AFDN: variants seen among roughly 807,000 people sequenced by gnomAD.
AFDN encodes the protein afadin, adherens junction formation factor, also known as afadin.
AFDN carries 68 observed loss-of-function variants against 216.6 expected under a neutral mutation model. The ratio of observed to expected loss-of-function variants is 0.31; its 90% CI spans 0.26 to 0.38. The LOEUF is 0.38. AFDN is among the 10% of genes least tolerant of loss of function. The pLI, the probability that AFDN is intolerant of heterozygous loss-of-function variation, is 1.00. For missense variants in AFDN, 2,136 were observed against 2,342.0 expected, an observed-to-expected ratio of 0.91 and a Z score of 1.82; for synonymous variants, 868 against 853.7, an observed-to-expected ratio of 1.02 and a Z score of -0.29.
Position 167,827,108 on chromosome 6 carries a change from C to T in AFDN, c.-25C>T. ...CCCGTCCTCCGGCCCCGGCCCCGCGCGGCTGAGGAGGCGCGGCCAGGACCA... is the reference window on the plus strand; with the variant it reads ...CCCGTCCTCCGGCCCCGGCCCCGCGTGGCTGAGGAGGCGCGGCCAGGACCA... On this transcript the variant is annotated 5_prime_UTR_variant, in exon 1 of 34. Coordinates refer to ENST00000683244, the MANE Select transcript of AFDN (RefSeq NM_001386888.1). 1.6e-6 allele frequency: 2 copies of T among 1,214,510 alleles called. No individual in the cohort carries two copies. Among genetic ancestry groups the T allele is most frequent in the Non-Finnish European group, 2.1e-6 (2 of 944,172 alleles). The allele number at this position is 1,214,510 out of a possible 1,614,324, so 75.2% of individuals were successfully genotyped here.
At position 167,948,390 on chromosome 6, in the gene AFDN, G is replaced by A. The variant is rs377359973; in HGVS notation, c.3743G>A (p.Arg1248Gln). 8.7e-6 allele frequency: 14 copies of A among 1,613,958 alleles called. No individual in the cohort carries two copies. In the African/African-American group the frequency reaches 9.4e-5, roughly 11 times the overall value. The change falls in exon 29 of 34, where the codon CGG (arginine) becomes CAG (glutamine). Residue 1248 changes from arginine (R) to glutamine (Q), a missense_variant. Around this residue, in one of 8 missense-constraint regions of AFDN, gnomAD observed 981 missense variants for 966.0 expected, o/e 1.02. Coordinates refer to ENST00000683244, the MANE Select transcript of AFDN (RefSeq NM_001386888.1). ...FTFPASKSQD[R>Q]MAPPQNQWPN... is the part of the protein sequence containing the mutation. ...TTCCCAGCTTCCAAATCCCAGGATC[G>A]GATGGCTCCTCCTCAGAACCAGTGG... is the stretch of plus-strand genomic sequence containing the variant.
intron 2 of AFDN, among the ~76,000 whole-genome samples, chr6:167,867,249 C>T (rs1784284499): frequency 6.6e-6 from 1 of 152,006 alleles, no homozygotes; most frequent in South Asian, 2.1e-4. Context: ...GCAACAAGAA[C>T]GATTTGGTAA....
chr6:167,874,045 T>G (rs764971444), intron 4 of AFDN, among the ~76,000 whole-genome samples: 6 of 152,058 alleles, frequency 3.9e-5, no homozygotes, highest in Admixed American at 1.3e-4. Flanking sequence ...GAGAAAAAAA[T>G]GTACAAAGAT....
At chr6:167,945,858 A>G (rs1192183109) in intron 26 of AFDN, among the ~76,000 whole-genome samples, 4 of 152,250 alleles carry the variant, frequency 2.6e-5, no homozygotes, top group Non-Finnish European at 5.9e-5. Context: ...CAGACACAAT[A>G]GGAGAAAACC....
At chr6:167,947,415 G>C (rs548004879) in intron 27 of AFDN, among the ~76,000 whole-genome samples, 3 of 152,078 alleles carry the variant, frequency 2.0e-5, no homozygotes, top group East Asian at 1.9e-4. Context: ...TCCTGACCTC[G>C]TGATCTGCCC....
intron 31 of AFDN, chr6:167,963,115 T>TG: frequency 9.4e-7 from 1 of 1,067,578 alleles, no homozygotes; most frequent in Non-Finnish European, 1.1e-6. Flanking sequence ...TTATTTATTT[T>TG]CATGTGTGTG....
rs981891251 is a variant in AFDN at position 167,850,551 on chromosome 6, C to G, written c.106-14000C>G. Reference sequence around the variant, plus strand: ...AGTGTTTACTTTAATGTGAAACTCACTGTAAATCCAAGTAAATGCTGATCT... The same window carrying G: ...AGTGTTTACTTTAATGTGAAACTCAGTGTAAATCCAAGTAAATGCTGATCT... On this transcript the variant is annotated intron_variant, in intron 1 of 33. Transcript: ENST00000683244. Among the ~76,000 whole-genome samples the G allele has an allele frequency of 2.0e-5, 3 of 152,162 alleles. No individual in the cohort carries two copies. The East Asian group carries it at 5.8e-4, about 29-fold the overall frequency.
chr6:167,963,771 T>G (rs142061193), intron 31 of AFDN: 4 of 1,062,220 alleles, frequency 3.8e-6, no homozygotes, highest in Non-Finnish European at 3.4e-6. Context: ...CTTTCACTTG[T>G]GTAATGGTAA....
intron 4 of AFDN, among the ~76,000 whole-genome samples, chr6:167,874,058 G>A (rs1204371163): frequency 6.6e-6 from 1 of 152,184 alleles, no homozygotes; most frequent in African/African-American, 2.4e-5. Flanking sequence ...ACAAAGATAC[G>A]TTGCTCATAC....
chr6:167,946,679 A>G (rs146091272), intron 26 of AFDN, 28 bp from the exon 27 acceptor site: 14 of 1,592,812 alleles, frequency 8.8e-6, no homozygotes, highest in Non-Finnish European at 1.2e-5. Flanking sequence ...TAAAATCTTA[A>G]GAGATACTGA....
chr6:167,944,246 C>T (rs1016012698), intron 26 of AFDN, among the ~76,000 whole-genome samples, 187 bp downstream of exon 26: 2 of 152,184 alleles, frequency 1.3e-5, no homozygotes, highest in African/African-American at 2.4e-5. Flanking sequence ...GGAGCCCACA[C>T]TGTGAGTCAC....
At chr6:167,945,155 G>T (rs1214094643) in intron 26 of AFDN, among the ~76,000 whole-genome samples, 1 of 132,776 alleles carries the variant, frequency 7.5e-6, no homozygotes, top group Non-Finnish European at 1.6e-5. Context: ...TTCCATAAGT[G>T]ATTTTCTATT....
chr6:167,880,384 A>G lies in AFDN; in HGVS notation c.764A>G (p.Asp255Gly). 2.5e-6 allele frequency: 4 copies of G among 1,612,878 alleles called. No homozygotes were observed. The highest frequency in any genetic ancestry group is 3.4e-6 in the Non-Finnish European group (4 of 1,179,472). The change falls in exon 6 of 34, where the codon GAT (aspartate) becomes GGT (glycine). Residue 255 changes from aspartate to glycine, a missense_variant. Coordinates refer to ENST00000683244, the MANE Select transcript of AFDN (RefSeq NM_001386888.1). The stretch of plus-strand genomic sequence containing the variant: ...GGTGGAACATTGAGAATTTATGCAG[A>G]TAGTTTAAAACCAAATATTCCCTAC... Reference protein sequence around the residue: ...DSGGTLRIYADSLKPNIPYKT... With the variant: ...DSGGTLRIYAGSLKPNIPYKT...
chr6:167,872,148 A>G, intron 3 of AFDN, 66 bp from the exon 4 acceptor site: 1 of 1,489,856 alleles, frequency 6.7e-7, no homozygotes, highest in South Asian at 1.3e-5. Context: ...GAAGTTACCT[A>G]AGCCGTAGGC....
chr6:167,887,461 T>G (rs1257683602), intron 6 of AFDN, among the ~76,000 whole-genome samples: 1 of 151,502 alleles, frequency 6.6e-6, no homozygotes, highest in Non-Finnish European at 1.5e-5. Flanking sequence ...TTTTTTTTCT[T>G]TTTTTCCTTT....
intron 4 of AFDN, among the ~76,000 whole-genome samples, chr6:167,874,759 G>A (rs780850289): frequency 2.6e-5 from 4 of 151,878 alleles, no homozygotes; most frequent in Non-Finnish European, 5.9e-5. Context: ...GGGATTACAG[G>A]CATTTGCCAC....
chr6:167,921,553 G>A (rs1791806354), intron 21 of AFDN, among the ~76,000 whole-genome samples: 1 of 152,152 alleles, frequency 6.6e-6, no homozygotes, highest in African/African-American at 2.4e-5. Flanking sequence ...ACAGTTCTGT[G>A]AGAAAAGACT....
chr6:167,893,336 AATG>A (rs1162856988), intron 8 of AFDN, among the ~76,000 whole-genome samples: 7 of 152,150 alleles, frequency 4.6e-5, no homozygotes, highest in African/African-American at 1.7e-4. Flanking sequence ...ATTCATACAT[AATG>A]ATTTGTTATG....
At chr6:167,950,860 T>TG (rs1795893145) in intron 29 of AFDN, among the ~76,000 whole-genome samples, 2 of 151,328 alleles carry the variant, frequency 1.3e-5, no homozygotes, top group East Asian at 3.9e-4. Flanking sequence ...TTTGCTTTTT[T>TG]TTTTTTTTTT....
Sources: gnomAD v4.1 joint callset for allele counts (sites outside exome capture counted in the v4.1 genomes callset) on GRCh38, gnomAD v4.1.1 for gene constraint, gnomAD v4.1.1 regional missense constraint, MANE v1.5 for transcripts, NCBI Gene and HGNC (gene_info 2026-07-23, HGNC 2026-07-21) for gene names.